LIN7A: variants seen among roughly 807,000 people sequenced by gnomAD.
LIN7A encodes protein lin-7 homolog A.
In LIN7A, 25 loss-of-function variants were observed where a neutral mutation model predicts 29.8. The observed-to-expected ratio is 0.84, with a 90% CI of 0.61 to 1.17. The LOEUF (loss-of-function observed/expected upper bound fraction) is 1.17. LIN7A is among the 50% of genes most tolerant of loss of function. LIN7A has a pLI of 0.00. For missense variants in LIN7A, 239 were observed against 287.0 expected (o/e 0.83, Z 1.21); for synonymous variants, 118 against 107.5 (o/e 1.10, Z -0.60).
At chr12:80,848,415 A>T in intron 2 of LIN7A, 93 bp from the exon 3 acceptor site, 1 of 954,020 alleles carries the variant, frequency 1.0e-6, no homozygotes, top group East Asian at 2.6e-5. Context: ...CACTGTAGGA[A>T]AAAAATTCTC....
chr12:80,934,455 T>A (rs1179405399), intron 1 of LIN7A, among the ~76,000 whole-genome samples: 1 of 152,202 alleles, frequency 6.6e-6, no homozygotes, highest in African/African-American at 2.4e-5. Flanking sequence ...ACCTTGTTCA[T>A]CCTTTTGGGG....
intron 2 of LIN7A, among the ~76,000 whole-genome samples, chr12:80,888,192 AC>A (rs1875432749): frequency 6.6e-6 from 1 of 152,166 alleles, no homozygotes; most frequent in Non-Finnish European, 1.5e-5. Context: ...AATAGTGAAC[AC>A]TTCACCTGAT....
intron 2 of LIN7A, among the ~76,000 whole-genome samples, chr12:80,867,510 C>A (rs1457028662): frequency 6.6e-6 from 1 of 152,158 alleles, no homozygotes; most frequent in African/African-American, 2.4e-5. Flanking sequence ...GTGAAAGAGA[C>A]TGTTGATAGC....
chr12:80,882,168 G>A (rs961969803), intron 2 of LIN7A, among the ~76,000 whole-genome samples: 2 of 151,740 alleles, frequency 1.3e-5, no homozygotes, highest in Non-Finnish European at 2.9e-5. Context: ...TGAATATATA[G>A]GAGTGAAATT....
intron 2 of LIN7A, among the ~76,000 whole-genome samples, chr12:80,873,519 C>A (rs1317669739): frequency 1.4e-5 from 2 of 145,608 alleles, no homozygotes; most frequent in African/African-American, 5.2e-5. Context: ...GGCAATAGAG[C>A]GAGACCCTGT....
chr12:80,844,172 T>C (rs947749213), intron 4 of LIN7A, among the ~76,000 whole-genome samples: 1 of 152,142 alleles, frequency 6.6e-6, no homozygotes, highest in Non-Finnish European at 1.5e-5. Flanking sequence ...TAGAGTCCTC[T>C]ACCAGAAAGT....
chr12:80,931,277 C>G (rs982741291), intron 1 of LIN7A, among the ~76,000 whole-genome samples: 1 of 151,504 alleles, frequency 6.6e-6, no homozygotes, highest in Non-Finnish European at 1.5e-5. Flanking sequence ...AAGGATTCAC[C>G]AAATTTCTTA....
At chr12:80,843,932 G>C (rs1360716126) in intron 4 of LIN7A, among the ~76,000 whole-genome samples, 1 of 151,844 alleles carries the variant, frequency 6.6e-6, no homozygotes, top group East Asian at 1.9e-4. Flanking sequence ...GGTCTGTTTA[G>C]CTCCCTTATA....
At chr12:80,842,073 C>G in intron 4 of LIN7A, 7 of 1,286,310 alleles carry the variant, frequency 5.4e-6, no homozygotes, top group Non-Finnish European at 7.1e-6. Context: ...AAAATTTTCT[C>G]TCCCAATGAT....
intron 5 of LIN7A, among the ~76,000 whole-genome samples, chr12:80,806,412 A>G (rs1214570748): frequency 1.3e-5 from 2 of 152,212 alleles, no homozygotes; most frequent in Non-Finnish European, 2.9e-5. Flanking sequence ...AAGAGAGTTT[A>G]CAATTAAAAG....
intron 1 of LIN7A, among the ~76,000 whole-genome samples, chr12:80,928,636 G>A (rs1310136668): frequency 6.6e-6 from 1 of 152,130 alleles, no homozygotes; most frequent in Non-Finnish European, 1.5e-5. Context: ...CTCCCATTCT[G>A]TAGGTTGCCT....
intron 3 of LIN7A, among the ~76,000 whole-genome samples, chr12:80,847,432 A>T (rs189191165): frequency 1.3e-5 from 2 of 152,354 alleles, no homozygotes; most frequent in East Asian, 3.9e-4. Context: ...GTAAAAACTA[A>T]AAAATCAAGA....
At chr12:80,934,814 T>C (rs1010816798) in intron 1 of LIN7A, among the ~76,000 whole-genome samples, 2 of 152,212 alleles carry the variant, frequency 1.3e-5, no homozygotes, top group Admixed American at 1.3e-4. Flanking sequence ...GGATTATATA[T>C]TCAGATTTGC....
At chr12:80,870,269 T>A (rs1874361448) in intron 2 of LIN7A, among the ~76,000 whole-genome samples, 1 of 152,230 alleles carries the variant, frequency 6.6e-6, no homozygotes, top group Non-Finnish European at 1.5e-5. Context: ...TGCCAGGGAA[T>A]TTAATAATAA....
chr12:80,853,691 A>G (rs1230523526), intron 2 of LIN7A, among the ~76,000 whole-genome samples: 2 of 151,866 alleles, frequency 1.3e-5, no homozygotes, highest in Non-Finnish European at 2.9e-5. Context: ...ATGTTGGAGA[A>G]CTAGAATTTT....
intron 1 of LIN7A, among the ~76,000 whole-genome samples, chr12:80,924,040 G>A (rs1437353983): frequency 6.6e-6 from 1 of 152,178 alleles, no homozygotes; most frequent in Non-Finnish European, 1.5e-5. Context: ...GTGTATGTGA[G>A]CTGTTGTTAT....
At chr12:80,924,439 C>T (rs1300890825) in intron 1 of LIN7A, among the ~76,000 whole-genome samples, 1 of 152,226 alleles carries the variant, frequency 6.6e-6, no homozygotes, top group Admixed American at 6.5e-5. Context: ...TGAGCACTTA[C>T]TATGGACCTG....
intron 2 of LIN7A, among the ~76,000 whole-genome samples, chr12:80,859,502 T>C (rs150199359): frequency 9.3e-4 from 141 of 152,296 alleles, no homozygotes; most frequent in African/African-American, 3.2e-3. Flanking sequence ...AAGCTTTGTG[T>C]ATACTTTACC....
At chr12:80,850,966 T>C (rs1330336517) in intron 2 of LIN7A, among the ~76,000 whole-genome samples, 1 of 152,170 alleles carries the variant, frequency 6.6e-6, no homozygotes, top group African/African-American at 2.4e-5. Context: ...ACAAAGACAC[T>C]GAGTCACAGA....
Sources: gnomAD v4.1 joint callset for allele counts (sites outside exome capture counted in the v4.1 genomes callset) on GRCh38, gnomAD v4.1.1 for gene constraint, MANE v1.5 for transcripts, NCBI Gene and HGNC (gene_info 2026-07-23, HGNC 2026-07-21) for gene names.